Variants in SPPL3 observed in about 807,000 individuals in gnomAD.
SPPL3 encodes the protein signal peptide peptidase-like 3.
Under a neutral mutation model 42.4 loss-of-function variants are expected in SPPL3, and 5 were observed. That is an observed-to-expected ratio of 0.12 (90% CI 0.06 to 0.25). The LOEUF (loss-of-function observed/expected upper bound fraction) is 0.25. SPPL3 is among the 10% of genes least tolerant of loss of function. SPPL3 has a pLI of 1.00. For synonymous variants in SPPL3, 195 were observed against 181.8 expected (o/e 1.07, Z -0.58); for missense variants, 235 against 489.0 (o/e 0.48, Z 4.90).
intron 1 of SPPL3, among the ~76,000 whole-genome samples, chr12:120,895,080 CTTCAT>C (rs1873760006): frequency 6.6e-6 from 1 of 152,198 alleles, no homozygotes; most frequent in African/African-American, 2.4e-5. Flanking sequence ...ACTGTTCTTT[CTTCAT>C]TTAAGTAGAT....
rs1318318590 is a variant in SPPL3 at position 120,763,961 on chromosome 12, T to C, written c.*1038A>G. The C allele has an allele frequency of 6.6e-6, 1 of 152,464 alleles. No individual in the cohort carries two copies. The highest frequency in any genetic ancestry group is 1.5e-5 in the Non-Finnish European group (1 of 68,026). The allele number at this position is 152,464 out of a possible 1,614,324, so 9.4% of individuals were successfully genotyped here. A position where few individuals can be genotyped will look rare whatever the true frequency, so the allele number is the denominator to read the frequency against. ...GATGAGAAAGCACAAAGACACCTGCTGCTATAATACATGCATTGGCTCGAG... is the reference window on the plus strand; with the variant it reads ...GATGAGAAAGCACAAAGACACCTGCCGCTATAATACATGCATTGGCTCGAG... On this transcript the variant is annotated 3_prime_UTR_variant, in exon 11 of 11. Coordinates refer to ENST00000353487, the MANE Select transcript of SPPL3 (RefSeq NM_139015.5).
chr12:120,780,886 G>A (rs1869510346), intron 6 of SPPL3, among the ~76,000 whole-genome samples: 2 of 152,098 alleles, frequency 1.3e-5, no homozygotes, highest in South Asian at 4.1e-4. Context: ...CTCCAGCCTG[G>A]GCAACAAAAG....
chr12:120,766,516 T>C (rs1031236836), intron 9 of SPPL3, 144 bp from the exon 10 acceptor site: 1 of 583,738 alleles, frequency 1.7e-6, no homozygotes. Context: ...GCTTGGGCAG[T>C]TGAAGAAATG....
intron 8 of SPPL3, 71 bp from the exon 9 acceptor site, chr12:120,767,664 T>C (rs549681684): frequency 2.0e-6 from 3 of 1,521,508 alleles, no homozygotes; most frequent in East Asian, 4.6e-5. Context: ...TGTGCAAAGT[T>C]TGTTAGCTTT....
chr12:120,868,405 C>T (rs1291876320), intron 1 of SPPL3, among the ~76,000 whole-genome samples: 1 of 152,188 alleles, frequency 6.6e-6, no homozygotes, highest in Admixed American at 6.5e-5. Flanking sequence ...CACGGACCAC[C>T]AGTATCACCC....
intron 2 of SPPL3, among the ~76,000 whole-genome samples, chr12:120,808,421 C>T (rs1410379979): frequency 1.3e-5 from 2 of 152,048 alleles, no homozygotes; most frequent in Non-Finnish European, 2.9e-5. Context: ...GAAATCCTTT[C>T]CATCTATATA....
intron 1 of SPPL3, among the ~76,000 whole-genome samples, chr12:120,895,427 CAA>C (rs11445980): frequency 8.9e-5 from 12 of 135,480 alleles, no homozygotes; most frequent in Non-Finnish European, 7.8e-5. Context: ...AACTCCATCT[CAA>C]AAAAAAAAAA....
chr12:120,860,350 GAAATTTATGTATAATATACTCAATCAAT>G (rs1186316634), intron 1 of SPPL3, among the ~76,000 whole-genome samples: 1 of 152,154 alleles, frequency 6.6e-6, no homozygotes, highest in African/African-American at 2.4e-5. Context: ...TACTCAACCA[GAAATTTATGTATAATATACTCAATCAAT>G]AAAAATACTT....
At chr12:120,867,894 C>T (rs1054636810) in intron 1 of SPPL3, among the ~76,000 whole-genome samples, 1 of 151,734 alleles carries the variant, frequency 6.6e-6, no homozygotes, top group Non-Finnish European at 1.5e-5. Context: ...ATTACAGGCA[C>T]CTGCCACCAC....
At chr12:120,795,870 A>C (rs1158681394) in intron 2 of SPPL3, among the ~76,000 whole-genome samples, 1 of 152,150 alleles carries the variant, frequency 6.6e-6, no homozygotes, top group Non-Finnish European at 1.5e-5. Flanking sequence ...GTTTCTCTCT[A>C]ATGTTCAATG....
At chr12:120,817,501 A>C (rs1021486091) in intron 1 of SPPL3, among the ~76,000 whole-genome samples, 1 of 152,186 alleles carries the variant, frequency 6.6e-6, no homozygotes, top group African/African-American at 2.4e-5. Flanking sequence ...ATGGCTTAAT[A>C]TAAAATCTTA....
intron 6 of SPPL3, among the ~76,000 whole-genome samples, chr12:120,777,146 A>G (rs1340663896): frequency 1.3e-5 from 2 of 152,202 alleles, no homozygotes; most frequent in Non-Finnish European, 2.9e-5. Flanking sequence ...CACTGAAAAA[A>G]TCTGGTTTAG....
chr12:120,788,828 T>C (rs1170629262), intron 3 of SPPL3, among the ~76,000 whole-genome samples: 1 of 152,198 alleles, frequency 6.6e-6, no homozygotes, highest in East Asian at 1.9e-4. Flanking sequence ...TCCCCAGTTG[T>C]TCCACATTGT....
intron 1 of SPPL3, among the ~76,000 whole-genome samples, chr12:120,838,907 GT>G (rs1214988586): frequency 2.6e-5 from 4 of 152,160 alleles, no homozygotes; most frequent in African/African-American, 9.7e-5. Flanking sequence ...TACACTGTTG[GT>G]GGGACTGTAA....
chr12:120,893,715 A>T (rs560588011), intron 1 of SPPL3, among the ~76,000 whole-genome samples: 2 of 152,024 alleles, frequency 1.3e-5, no homozygotes, highest in Non-Finnish European at 2.9e-5. Flanking sequence ...AAATTCTCTT[A>T]TGCCTTTTCA....
At chr12:120,823,528 A>G (rs574703512) in intron 1 of SPPL3, among the ~76,000 whole-genome samples, 1 of 152,148 alleles carries the variant, frequency 6.6e-6, no homozygotes, top group Non-Finnish European at 1.5e-5. Flanking sequence ...AGCTCCCACG[A>G]CATCCTACTG....
At chr12:120,864,548 A>AAACAAT (rs1313269835) in intron 1 of SPPL3, among the ~76,000 whole-genome samples, 2 of 152,142 alleles carry the variant, frequency 1.3e-5, no homozygotes, top group African/African-American at 4.8e-5. Flanking sequence ...ACAAAAACAA[A>AAACAAT]AACAAAACCT....
chr12:120,784,520 G>C lies in SPPL3; in HGVS notation c.264C>G (p.Phe88Leu). 1 of 1,612,438 alleles carries C rather than the reference G, an allele frequency of 6.2e-7. No individual in the cohort carries two copies. Among genetic ancestry groups the C allele is most frequent in the Non-Finnish European group, 8.5e-7 (1 of 1,178,774 alleles). ...CTACTTGAACTGAGTCAAAGAAGAA[G>C]AACATTACTAAAAGAGAGACAGATG... ...IGASVSLLVM[F>L]FFFDSVQVVF... is the part of the protein sequence containing the mutation. Residue 88 changes from phenylalanine (F) to leucine (L), a missense_variant, in exon 4 of 11, where the codon TTC becomes TTG. Transcript: ENST00000353487.
Position 120,795,969 on chromosome 12 carries a change from T to C in SPPL3, c.102-4412A>G, listed in dbSNP as rs939928291. On this transcript the variant is annotated intron_variant, in intron 2 of 10. Coordinates refer to ENST00000353487, the MANE Select transcript of SPPL3 (RefSeq NM_139015.5). ...TAATTTCCATTACTGTGCCTTCAAG[T>C]TCACTAATCTTTTCTTCTGCAGTTT... Among the ~76,000 whole-genome samples the C allele has an allele frequency of 2.0e-5, 3 of 152,214 alleles. No individual in the cohort carries two copies. The East Asian group carries it at 5.8e-4, about 29-fold the overall frequency.
Sources: allele counts gnomAD v4.1 joint callset (sites outside exome capture counted in the v4.1 genomes callset), GRCh38; gene constraint gnomAD v4.1.1; transcripts MANE v1.5; gene names NCBI Gene and HGNC (gene_info 2026-07-23, HGNC 2026-07-21).